The following CSNK2A2IP variants were observed in gnomAD, a reference collection of about 807,000 sequenced individuals.
CSNK2A2IP encodes the protein casein kinase II subunit alpha'-interacting protein.
the CSNK2A2IP span, among the ~76,000 whole-genome samples, chr3:88,374,979 T>A: frequency 6.6e-6 from 1 of 151,772 alleles, no homozygotes; most frequent in Admixed American, 6.6e-5. Flanking sequence ...ATATAGTCTA[T>A]ACTATCATAG....
At chr3:88,390,961 A>C in the CSNK2A2IP span, among the ~76,000 whole-genome samples, 1 of 152,230 alleles carries the variant, frequency 6.6e-6, no homozygotes, top group Non-Finnish European at 1.5e-5. Context: ...AAATCTTCCC[A>C]TATGATTAAG....
At chr3:88,413,024 T>G in the CSNK2A2IP span, among the ~76,000 whole-genome samples, 1 of 152,072 alleles carries the variant, frequency 6.6e-6, no homozygotes, top group South Asian at 2.1e-4. Flanking sequence ...TATCCCTATT[T>G]TGGCTTTCAG....
At chr3:88,370,602 C>T in the CSNK2A2IP span, among the ~76,000 whole-genome samples, 1,223 of 104,320 alleles carry the variant, frequency 0.012, 6 homozygotes, top group Middle Eastern at 0.023. Flanking sequence ...CTTTCTTTCT[C>T]TCTCTCTCTC....
the CSNK2A2IP span, among the ~76,000 whole-genome samples, chr3:88,379,743 C>A: frequency 6.6e-6 from 1 of 152,056 alleles, no homozygotes; most frequent in African/African-American, 2.4e-5. Flanking sequence ...CAGGTCCTGG[C>A]ATTGTTAGGC....
chr3:88,450,024 C>T, the CSNK2A2IP span, among the ~76,000 whole-genome samples: 10 of 150,748 alleles, frequency 6.6e-5, no homozygotes, highest in East Asian at 1.2e-3. Flanking sequence ...CGCATGACCA[C>T]GCCTGGCTAA....
At chr3:88,404,265 ATAACT>A in the CSNK2A2IP span, among the ~76,000 whole-genome samples, 1 of 152,166 alleles carries the variant, frequency 6.6e-6, no homozygotes, top group Non-Finnish European at 1.5e-5. Context: ...GGAAAGTCAG[ATAACT>A]TAACACCAAT....
the CSNK2A2IP span, among the ~76,000 whole-genome samples, chr3:88,429,132 G>A: frequency 6.6e-6 from 1 of 151,710 alleles, no homozygotes; most frequent in Admixed American, 6.6e-5. Context: ...CAATACCACA[G>A]TTCATGTCCA....
chr3:88,340,104 A>G, the CSNK2A2IP span, among the ~76,000 whole-genome samples: 1 of 151,992 alleles, frequency 6.6e-6, no homozygotes, highest in South Asian at 2.1e-4. Context: ...TTGGGTTTAA[A>G]ATGTTTAGAG....
At chr3:88,351,693 A>G in the CSNK2A2IP span, among the ~76,000 whole-genome samples, 1 of 152,142 alleles carries the variant, frequency 6.6e-6, no homozygotes, top group East Asian at 1.9e-4. Flanking sequence ...TCCAACACAA[A>G]GCAACACTAA....
At chr3:88,456,397 T>C in the CSNK2A2IP span, among the ~76,000 whole-genome samples, 6 of 152,090 alleles carry the variant, frequency 3.9e-5, no homozygotes, top group South Asian at 1.2e-3. Flanking sequence ...TTTCAGTGAG[T>C]AGAACTTTCA....
At chr3:88,384,386 A>G in the CSNK2A2IP span, among the ~76,000 whole-genome samples, 1 of 151,644 alleles carries the variant, frequency 6.6e-6, no homozygotes. Context: ...AAACAAAAAA[A>G]CAAAAAACAC....
At chr3:88,384,651 T>C in the CSNK2A2IP span, among the ~76,000 whole-genome samples, 6 of 152,206 alleles carry the variant, frequency 3.9e-5, no homozygotes, top group Non-Finnish European at 7.3e-5. Flanking sequence ...ACTCAACTTA[T>C]GTTTTAAAAG....
At chr3:88,449,820 G>GACACACACACACAC in the CSNK2A2IP span, among the ~76,000 whole-genome samples, 389 of 47,030 alleles carry the variant, frequency 8.3e-3, 4 homozygotes, top group Middle Eastern at 0.029. Context: ...TTTATATCGA[G>GACACACACACACAC]ACACACACAC....
At chr3:88,465,871 T>C in the CSNK2A2IP span, 1 of 1,231,710 alleles carries the variant, frequency 8.1e-7, no homozygotes. Flanking sequence ...GAGATCACTT[T>C]CATTGAAGTC....
the CSNK2A2IP span, among the ~76,000 whole-genome samples, chr3:88,414,542 A>G: frequency 5.3e-5 from 8 of 151,774 alleles, no homozygotes; most frequent in Non-Finnish European, 1.2e-4. Context: ...TTGCCTCCCA[A>G]AGTGCTAGGG....
chr3:88,346,656 G>GA, the CSNK2A2IP span, among the ~76,000 whole-genome samples: 19 of 151,802 alleles, frequency 1.3e-4, no homozygotes, highest in Admixed American at 1.1e-3. Flanking sequence ...CTACAGCTCA[G>GA]AAAAAAAATT....
At chr3:88,439,121 C>A in the CSNK2A2IP span, among the ~76,000 whole-genome samples, 4 of 152,238 alleles carry the variant, frequency 2.6e-5, no homozygotes, top group East Asian at 7.7e-4. Flanking sequence ...CTGTCTCCAC[C>A]CTCTACCTTT....
the CSNK2A2IP span, chr3:88,399,816 G>T: frequency 6.6e-6 from 1 of 152,160 alleles, no homozygotes; most frequent in Non-Finnish European, 1.5e-5. Flanking sequence ...CCAGTGAAGC[G>T]AATTACAAAG....
the CSNK2A2IP span, among the ~76,000 whole-genome samples, chr3:88,437,328 G>C: frequency 6.6e-6 from 1 of 152,302 alleles, no homozygotes; most frequent in Non-Finnish European, 1.5e-5. Flanking sequence ...GCCATTAACA[G>C]AGTTAGACCA....
Sources: gnomAD v4.1 joint callset for allele counts (sites outside exome capture counted in the v4.1 genomes callset) on GRCh38, gnomAD v4.1.1 for gene constraint, MANE v1.5 for transcripts, NCBI Gene and HGNC (gene_info 2026-07-23, HGNC 2026-07-21) for gene names.